CNTN4: variants seen among roughly 807,000 people sequenced by gnomAD.
CNTN4 encodes the protein contactin-4.
A neutral mutation model predicts 122.5 loss-of-function variants in CNTN4; 77 were observed. The observed-to-expected ratio is 0.63, with a 90% CI of 0.52 to 0.76. The LOEUF (loss-of-function observed/expected upper bound fraction) is 0.76, where lower values mean the gene tolerates loss of function less well. CNTN4 is among the 30% of genes least tolerant of loss of function. The pLI is 0.00. For missense variants in CNTN4, 1,256 were observed against 1,259.1 expected, an observed-to-expected ratio of 1.00 and a Z score of 0.04; for synonymous variants, 512 against 447.0, an observed-to-expected ratio of 1.15 and a Z score of -1.83.
intron 3 of CNTN4, among the ~76,000 whole-genome samples, chr3:2,424,629 A>T (rs1467207972): frequency 5.3e-5 from 8 of 152,184 alleles, no homozygotes; most frequent in Non-Finnish European, 8.8e-5. Flanking sequence ...TAGATCCTTG[A>T]GGAATGGCCA....
chr3:2,659,247 G>C (rs2083753004), intron 4 of CNTN4, among the ~76,000 whole-genome samples: 2 of 151,964 alleles, frequency 1.3e-5, no homozygotes, highest in African/African-American at 4.8e-5. Context: ...CAGATCACTT[G>C]AGGTCAGAGT....
intron 7 of CNTN4, among the ~76,000 whole-genome samples, chr3:2,849,208 G>T (rs1452393015): frequency 6.6e-6 from 1 of 152,186 alleles, no homozygotes; most frequent in Admixed American, 6.5e-5. Flanking sequence ...TATGTCCCTA[G>T]TGCCAAGAAG....
chr3:2,512,119 T>C (rs1018832132), intron 3 of CNTN4, among the ~76,000 whole-genome samples: 3 of 152,186 alleles, frequency 2.0e-5, no homozygotes, highest in Admixed American at 2.0e-4. Context: ...AAATTTAACA[T>C]AGTTTATTTT....
intron 2 of CNTN4, among the ~76,000 whole-genome samples, chr3:2,190,361 A>G (rs2037472302): frequency 6.6e-6 from 1 of 152,070 alleles, no homozygotes; most frequent in Non-Finnish European, 1.5e-5. Flanking sequence ...TGATAAAAAA[A>G]GAATTTTTCT....
At chr3:2,967,515 G>T (rs552181549) in intron 13 of CNTN4, among the ~76,000 whole-genome samples, 15 of 152,224 alleles carry the variant, frequency 9.9e-5, no homozygotes, top group South Asian at 2.1e-4. Flanking sequence ...GGCTGTTATT[G>T]TCTTTGTTTT....
Position 2,740,860 on chromosome 3 carries a change from ATTTAC to A in CNTN4, c.182+4525_182+4529del, listed in dbSNP as rs778568357. Among the ~76,000 whole-genome samples the A allele has an allele frequency of 5.3e-5, 8 of 152,268 alleles. No homozygotes were observed. The South Asian group carries it at 8.3e-4, about 16-fold the overall frequency. ...TTAGTATAGTGGATATTATTTTAGA[ATTTAC>A]TTTACATGCTCATTTATCCATTTGT... On this transcript the variant is annotated intron_variant, in intron 5 of 24. Coordinates refer to ENST00000418658, the MANE Select transcript of CNTN4 (RefSeq NM_175607.3).
At chr3:2,783,863 C>A (rs1229317089) in intron 6 of CNTN4, among the ~76,000 whole-genome samples, 1 of 152,104 alleles carries the variant, frequency 6.6e-6, no homozygotes, top group African/African-American at 2.4e-5. Context: ...ATGATGAATC[C>A]GTTCTTTAGT....
At chr3:2,669,936 G>C (rs543177171) in intron 4 of CNTN4, among the ~76,000 whole-genome samples, 1 of 152,314 alleles carries the variant, frequency 6.6e-6, no homozygotes, top group Admixed American at 6.5e-5. Flanking sequence ...GTTCTAGTTT[G>C]ATTGCACTGT....
chr3:2,467,402 T>C lies in CNTN4; in HGVS notation c.-88-104014T>C, dbSNP rs561404955. 1.5e-4 allele frequency among the ~76,000 whole-genome samples: 23 copies of C among 152,292 alleles called. 1 individual carries two copies. The highest frequency in any genetic ancestry group is 3.4e-3 in the Middle Eastern group (1 of 294). On this transcript the variant is annotated intron_variant, in intron 3 of 24. Coordinates refer to ENST00000418658, the MANE Select transcript of CNTN4 (RefSeq NM_175607.3). ...CTACTTCCCAACTATCTTCAACATA[T>C]TTTTTGGTAAGTCACAGCAAAATTG...
rs559313531 is a variant in CNTN4, at chr3:2,841,329, T to C, written c.454+21748T>C. On this transcript the variant is annotated intron_variant, in intron 7 of 24. Transcript: ENST00000418658. The surrounding 1 kb of genome is among the most constrained non-coding windows in gnomAD (Gnocchi z 4.8). ...TACAACCCTAACTGAAATTGCCTCA[T>C]ACTGTGACATTATTATATCCTACAA... is the stretch of plus-strand genomic sequence containing the variant. Among the ~76,000 whole-genome samples, 22 of 152,354 alleles carry C rather than the reference T, an allele frequency of 1.4e-4. No individual in the cohort carries two copies. In the East Asian group the frequency reaches 4.2e-3, roughly 29 times the overall value.
intron 3 of CNTN4, among the ~76,000 whole-genome samples, chr3:2,491,495 T>C (rs913526416): frequency 8.5e-5 from 13 of 152,176 alleles, no homozygotes; most frequent in African/African-American, 3.1e-4. Flanking sequence ...AAAAAATATT[T>C]TTCTGAACGT....
intron 3 of CNTN4, among the ~76,000 whole-genome samples, chr3:2,517,895 G>A (rs569924504): frequency 3.3e-5 from 5 of 152,154 alleles, no homozygotes; most frequent in Non-Finnish European, 7.3e-5. Context: ...TGTGTTAAGT[G>A]TGAATCTGGT....
chr3:2,275,737 T>C (rs1189293179), intron 2 of CNTN4, among the ~76,000 whole-genome samples: 1 of 151,786 alleles, frequency 6.6e-6, no homozygotes, highest in Admixed American at 6.6e-5. Flanking sequence ...CTGGCCAACA[T>C]GATGAAACCC....
At chr3:2,364,108 G>C (rs771776513) in intron 3 of CNTN4, among the ~76,000 whole-genome samples, 8 of 152,020 alleles carry the variant, frequency 5.3e-5, no homozygotes, top group Non-Finnish European at 8.8e-5. Flanking sequence ...TTGGGGGCTT[G>C]GTTTGGGGGT....
At chr3:2,664,538 T>C (rs1576384362) in intron 4 of CNTN4, among the ~76,000 whole-genome samples, 1 of 152,304 alleles carries the variant, frequency 6.6e-6, no homozygotes. Context: ...GATAATACAC[T>C]TAGCTATAAA....
intron 6 of CNTN4, among the ~76,000 whole-genome samples, chr3:2,774,719 C>CT (rs575908256): frequency 3.5e-4 from 53 of 152,292 alleles, no homozygotes; most frequent in Admixed American, 9.2e-4. Flanking sequence ...TTTGGAAAGA[C>CT]TGCAGGAGGA....
intron 6 of CNTN4, among the ~76,000 whole-genome samples, chr3:2,807,297 T>C (rs775398214): frequency 3.9e-5 from 6 of 152,176 alleles, no homozygotes; most frequent in African/African-American, 7.2e-5. Flanking sequence ...ACAGCACCCA[T>C]TGCAAAATCT....
chr3:2,957,834 C>T (rs1316015811), intron 13 of CNTN4, among the ~76,000 whole-genome samples: 1 of 152,114 alleles, frequency 6.6e-6, no homozygotes, highest in East Asian at 1.9e-4. Flanking sequence ...CTATCCAGTA[C>T]ACCATCAGTG....
intron 2 of CNTN4, among the ~76,000 whole-genome samples, chr3:2,268,805 T>G (rs1171362080): frequency 6.6e-6 from 1 of 152,172 alleles, no homozygotes; most frequent in Non-Finnish European, 1.5e-5. Context: ...ATGTCTGAAG[T>G]TAAAACATGT....
Sources: allele counts gnomAD v4.1 joint callset (sites outside exome capture counted in the v4.1 genomes callset), GRCh38; gene constraint gnomAD v4.1.1; non-coding constraint Gnocchi (gnomAD v3.1); transcripts MANE v1.5; gene names NCBI Gene and HGNC (gene_info 2026-07-23, HGNC 2026-07-21).